DENND1A: variants seen among roughly 807,000 people sequenced by gnomAD.
DENND1A encodes the protein DENN domain containing 1A.
A neutral mutation model predicts 113.7 loss-of-function variants in DENND1A; 51 were observed. That is an observed-to-expected ratio of 0.45 (90% confidence interval 0.36 to 0.57). The LOEUF is 0.57. Among genes scored for constraint, DENND1A ranks in the 20% least tolerant of loss-of-function variants. The probability of loss-of-function intolerance (pLI) is 0.00; values close to 1 mark genes in which losing one functional copy is unlikely to be tolerated. For synonymous variants in DENND1A, 565 were observed against 570.8 expected, an observed-to-expected ratio of 0.99 and a Z score of 0.14; for missense variants, 1,258 against 1,395.9, an observed-to-expected ratio of 0.90 and a Z score of 1.57.
chr9:123,647,141 C>G (rs1322407850), intron 9 of DENND1A, among the ~76,000 whole-genome samples: 3 of 152,074 alleles, frequency 2.0e-5, no homozygotes, highest in Non-Finnish European at 4.4e-5. Flanking sequence ...GATAAAGGAG[C>G]TTTGTACCTT....
In DENND1A at chr9:123,403,471, T is replaced by A; in HGVS notation, c.1562A>T (p.His521Leu). 1.9e-6 allele frequency: 3 copies of A among 1,614,106 alleles called. No homozygotes were observed. The highest frequency in any genetic ancestry group is 2.5e-6 in the Non-Finnish European group (3 of 1,180,018). The change falls in exon 21 of 24, where the codon CAT becomes CTT. Residue 521 changes from histidine to leucine, a missense_variant. Around this residue, in one of 2 missense-constraint regions of DENND1A, gnomAD observed 1,159 missense variants for 1,231.7 expected, o/e 0.94. Transcript: ENST00000394215. ...GTTGCTCTTTGGTCTCTTAACAACA[T>A]GTGGACGAGGTGGGCGCACCTAGAG... ...RSRPVRPPRP[H>L]VVKRPKSNIA...
intron 3 of DENND1A, among the ~76,000 whole-genome samples, chr9:123,770,473 TAC>T (rs1829549223): frequency 6.6e-6 from 1 of 152,192 alleles, no homozygotes; most frequent in African/African-American, 2.4e-5. Flanking sequence ...ATAGCACATA[TAC>T]ACACAGCTAA....
chr9:123,714,358 T>A (rs928967436), intron 5 of DENND1A, among the ~76,000 whole-genome samples: 3 of 152,146 alleles, frequency 2.0e-5, no homozygotes, highest in African/African-American at 7.2e-5. Context: ...TCCCAGCACT[T>A]TGAGAGGCTG....
At chr9:123,637,267 G>A (rs2138882841) in intron 9 of DENND1A, among the ~76,000 whole-genome samples, 1 of 152,318 alleles carries the variant, frequency 6.6e-6, no homozygotes, top group African/African-American at 2.4e-5. Context: ...ACTTTAAAGG[G>A]AGGTCATTCT....
intron 2 of DENND1A, among the ~76,000 whole-genome samples, chr9:123,856,355 G>A (rs1172476965): frequency 1.3e-5 from 2 of 152,124 alleles, no homozygotes; most frequent in African/African-American, 4.8e-5. Context: ...ATCTAACATA[G>A]GGTGTCAGAA....
chr9:123,690,945 T>C (rs916689458), intron 5 of DENND1A, among the ~76,000 whole-genome samples: 4 of 152,232 alleles, frequency 2.6e-5, no homozygotes, highest in African/African-American at 7.2e-5. Context: ...ATGCTTATCA[T>C]GGATCTCAGT....
At chr9:123,429,060 C>G (rs1564471185) in intron 19 of DENND1A, among the ~76,000 whole-genome samples, 1 of 152,036 alleles carries the variant, frequency 6.6e-6, no homozygotes. Context: ...CATATAGAAC[C>G]AAAAAAGAGC....
chr9:123,870,436 ATTT>A (rs945620687), intron 2 of DENND1A, among the ~76,000 whole-genome samples: 4 of 136,458 alleles, frequency 2.9e-5, no homozygotes, highest in Non-Finnish European at 1.6e-5. Context: ...TGCCCGGCTA[ATTT>A]TTTTTTTTTT....
At chr9:123,626,054 G>A (rs1383661756) in intron 10 of DENND1A, among the ~76,000 whole-genome samples, 3 of 151,938 alleles carry the variant, frequency 2.0e-5, no homozygotes, top group South Asian at 2.1e-4. Context: ...ACTATGGCTG[G>A]GTTTTGTTTT....
At position 123,839,884 on chromosome 9, in the gene DENND1A, GAATTTAAATCC is replaced by G. The variant is rs1841576617; in HGVS notation, c.88+39056_88+39066del. ...ATTTCTGAAGCTAAGCAGTAGAATT[GAATTTAAATCC>G]AAGTAAATGAGAAACCGAAACTATT... On this transcript the variant is annotated intron_variant, in intron 2 of 23. Transcript: ENST00000394215. Among the ~76,000 whole-genome samples the G allele has an allele frequency of 2.0e-5, 3 of 152,168 alleles. No individual in the cohort carries two copies. The East Asian group carries it at 5.8e-4, about 29-fold the overall frequency.
rs528586807 is a variant in DENND1A, at chr9:123,855,331, G to A, written c.88+23620C>T. Among the ~76,000 whole-genome samples, 6 of 149,952 alleles carry A rather than the reference G, an allele frequency of 4.0e-5. No individual in the cohort carries two copies. The East Asian group carries it at 1.2e-3, about 29-fold the overall frequency. ...AGTCTGTGAAGGATGGCAGAGAGGG[G>A]GAAGCAAGGGTAGACAGAAAAAAAT... is the stretch of plus-strand genomic sequence containing the variant. On this transcript the variant is annotated intron_variant, in intron 2 of 23. Transcript: ENST00000394215.
intron 5 of DENND1A, among the ~76,000 whole-genome samples, chr9:123,678,526 G>T (rs991003002): frequency 2.0e-5 from 3 of 152,172 alleles, no homozygotes; most frequent in African/African-American, 7.2e-5. Flanking sequence ...ACGAGGTAGC[G>T]CACAGATGTG....
chr9:123,401,986 G>A, intron 21 of DENND1A: 1 of 1,596,280 alleles, frequency 6.3e-7, no homozygotes, highest in Non-Finnish European at 8.6e-7. Flanking sequence ...CTGGTACAGT[G>A]TCTAAAAGGT....
intron 13 of DENND1A, among the ~76,000 whole-genome samples, chr9:123,543,049 G>A (rs1289733913): frequency 1.3e-5 from 2 of 152,182 alleles, no homozygotes; most frequent in African/African-American, 2.4e-5. Flanking sequence ...TCAGCTCTGC[G>A]TCTCAGGACC....
intron 21 of DENND1A, among the ~76,000 whole-genome samples, chr9:123,399,493 G>A (rs1403504316): frequency 6.6e-6 from 1 of 151,990 alleles, no homozygotes; most frequent in Admixed American, 6.5e-5. Flanking sequence ...TCAGCCTCCC[G>A]ACTAGCTGGG....
intron 7 of DENND1A, among the ~76,000 whole-genome samples, chr9:123,669,051 A>T (rs2063630105): frequency 6.6e-6 from 1 of 152,226 alleles, no homozygotes; most frequent in Admixed American, 6.5e-5. Context: ...TGAAGAATAA[A>T]TGTTATATAT....
chr9:123,423,061 T>C (rs2045429981), intron 19 of DENND1A, among the ~76,000 whole-genome samples: 1 of 152,214 alleles, frequency 6.6e-6, no homozygotes. Context: ...ATTGTGCCAT[T>C]ACAACCAAGG....
At chr9:123,406,991 C>T (rs1010162323) in intron 20 of DENND1A, among the ~76,000 whole-genome samples, 1 of 152,090 alleles carries the variant, frequency 6.6e-6, no homozygotes, top group Non-Finnish European at 1.5e-5. Context: ...GAACTTGCAA[C>T]GTGGTGAAAC....
intron 5 of DENND1A, among the ~76,000 whole-genome samples, chr9:123,703,283 T>C (rs56801052): frequency 0.076 from 11,598 of 152,264 alleles, 893 homozygotes; most frequent in African/African-American, 0.2. Flanking sequence ...AAAAAATAAC[T>C]ACGATAATTT....
Sources: gnomAD v4.1 joint callset for allele counts (sites outside exome capture counted in the v4.1 genomes callset) on GRCh38, gnomAD v4.1.1 for gene constraint, gnomAD v4.1.1 regional missense constraint, MANE v1.5 for transcripts, NCBI Gene and HGNC (gene_info 2026-07-23, HGNC 2026-07-21) for gene names.